The following CMPK2 variants were observed in gnomAD, a reference collection of about 807,000 sequenced individuals.
The protein encoded by CMPK2 is UMP-CMP kinase 2, mitochondrial.
Under a neutral mutation model 33.4 loss-of-function variants are expected in CMPK2, and 32 were observed. The observed-to-expected ratio is 0.96, with a 90% confidence interval of 0.72 to 1.29. CMPK2 has a LOEUF of 1.29. CMPK2 is among the 50% of genes most tolerant of loss of function. The pLI, the probability that CMPK2 is intolerant of heterozygous loss-of-function variation, is 0.00. For missense variants in CMPK2, 672 were observed against 616.0 expected (o/e 1.09, Z -0.96); for synonymous variants, 299 against 275.3 (o/e 1.09, Z -0.85).
intron 4 of CMPK2, chr2:6,850,663 T>G (rs1342036510): frequency 1.3e-6 from 1 of 785,502 alleles, no homozygotes; most frequent in Non-Finnish European, 1.5e-6. Flanking sequence ...CTTGCAAATG[T>G]TCACTGAAGT....
In CMPK2 at chr2:6,865,185, T is replaced by C. The variant is rs1273812877; in HGVS notation, c.512A>G (p.Gln171Arg). The change falls in exon 1 of 5, where the codon CAG becomes CGG. Residue 171 changes from glutamine to arginine, a missense_variant. Gln to Arg is a conservative substitution (Grantham distance 43). Transcript: ENST00000256722. ...LGEFEADPRG[Q>R]LWQRLWEVQD... ...CACCTCCCAGAGGCGCTGCCACAGC[T>C]GGCCGCGCGGGTCGGCCTCGAACTC... 2 of 1,534,296 alleles carry C rather than the reference T, an allele frequency of 1.3e-6. No homozygotes were observed. Among genetic ancestry groups the C allele is most frequent in the Non-Finnish European group, 1.7e-6 (2 of 1,143,494 alleles).
chr2:6,840,643 A>G (rs1352208974), exon 4 of CMPK2: 9 of 702,180 alleles, frequency 1.3e-5, no homozygotes, highest in Non-Finnish European at 2.3e-5. Flanking sequence ...GAGCAGGTGG[A>G]GAGAAGGATG....
chr2:6,854,804 C>T (rs1027123159), intron 3 of CMPK2, among the ~76,000 whole-genome samples: 18 of 152,116 alleles, frequency 1.2e-4, no homozygotes, highest in African/African-American at 3.6e-4. Flanking sequence ...CACACATCCA[C>T]TCACTGAATC....
chr2:6,840,752 T>C (rs1662209670), intron 3 of CMPK2: 4 of 686,934 alleles, frequency 5.8e-6, no homozygotes, highest in Non-Finnish European at 1.1e-5. Context: ...GTGGCCCTAG[T>C]TCTTGGGGTT....
downstream of CMPK2, among the ~76,000 whole-genome samples, chr2:6,845,772 C>T (rs1662345070): frequency 6.6e-6 from 1 of 152,180 alleles, no homozygotes; most frequent in Admixed American, 6.5e-5. Context: ...AATCAGAATT[C>T]CACAGAATGG....
intron 3 of CMPK2, among the ~76,000 whole-genome samples, chr2:6,858,984 T>C (rs987885986): frequency 1.3e-5 from 2 of 152,134 alleles, no homozygotes; most frequent in African/African-American, 4.8e-5. Context: ...ATGCTGATAA[T>C]GATATGGACA....
chr2:6,842,146 G>C (rs1448739878), intron 3 of CMPK2, among the ~76,000 whole-genome samples: 1 of 152,132 alleles, frequency 6.6e-6, no homozygotes, highest in Non-Finnish European at 1.5e-5. Context: ...AGACAGCCCA[G>C]TCTCAGTTTT....
chr2:6,865,733 G>T lies in CMPK2; in HGVS notation c.-37C>A. On this transcript the variant is annotated 5_prime_UTR_variant, in exon 1 of 5. Coordinates refer to ENST00000256722, the MANE Select transcript of CMPK2 (RefSeq NM_207315.4). ...CGACGCCGCCCTCGGCCCCGCCTCG[G>T]AAACGAAACCTGGCGGGAGCCAGGC... The T allele has an allele frequency of 7.8e-7, 1 of 1,278,408 alleles. No homozygotes were observed. Among genetic ancestry groups the T allele is most frequent in the Non-Finnish European group, 9.9e-7 (1 of 1,013,762 alleles). The allele number at this position is 1,278,408 out of a possible 1,614,324, so 79.2% of individuals were successfully genotyped here.
downstream of CMPK2, among the ~76,000 whole-genome samples, chr2:6,844,650 T>G (rs1419231520): frequency 1.3e-5 from 2 of 152,220 alleles, no homozygotes; most frequent in African/African-American, 4.8e-5. Context: ...GTAATAGAGA[T>G]TCTGCCACTT....
At chr2:6,858,762 G>A (rs1464925410) in intron 3 of CMPK2, among the ~76,000 whole-genome samples, 2 of 152,166 alleles carry the variant, frequency 1.3e-5, no homozygotes, top group Non-Finnish European at 2.9e-5. Flanking sequence ...GCCCAGTCTC[G>A]TGTACGTCTT....
At chr2:6,861,604 T>C (rs16865683) in intron 2 of CMPK2, among the ~76,000 whole-genome samples, 3,276 of 152,292 alleles carry the variant, frequency 0.022, 118 homozygotes, top group African/African-American at 0.075. Flanking sequence ...AAATCTGATA[T>C]TGGGAGTCTA....
intron 4 of CMPK2, chr2:6,850,792 T>C (rs2103218541): frequency 1.0e-6 from 1 of 985,720 alleles, no homozygotes; most frequent in East Asian, 1.1e-4. Context: ...TTAGAGAAAA[T>C]ATTTCTGCTT....
rs568540745 is a variant in CMPK2, at chr2:6,862,356, C to T, written c.791-971G>A. Among the ~76,000 whole-genome samples the T allele has an allele frequency of 3.9e-5, 6 of 152,330 alleles. No individual in the cohort carries two copies. In the East Asian group the frequency reaches 9.6e-4, roughly 24 times the overall value. On this transcript the variant is annotated intron_variant, in intron 2 of 4. Coordinates refer to ENST00000256722, the MANE Select transcript of CMPK2 (RefSeq NM_207315.4). ...GGAGAAGTTAATAAATTTACCCAAACTCACCCTCCTGATAGGCCTTGGTGC... is the reference window on the plus strand; with the variant it reads ...GGAGAAGTTAATAAATTTACCCAAATTCACCCTCCTGATAGGCCTTGGTGC...
At chr2:6,857,978 C>T (rs1662765459) in intron 3 of CMPK2, among the ~76,000 whole-genome samples, 1 of 152,102 alleles carries the variant, frequency 6.6e-6, no homozygotes, top group Non-Finnish European at 1.5e-5. Context: ...TCCAATGGCT[C>T]CCCAGTGCAC....
At chr2:6,850,226 C>A (rs1162121858) in intron 4 of CMPK2, among the ~76,000 whole-genome samples, 1 of 152,144 alleles carries the variant, frequency 6.6e-6, no homozygotes, top group African/African-American at 2.4e-5. Context: ...CATGATTTTT[C>A]TCATTTAATT....
intron 2 of CMPK2, 79 bp downstream of exon 2, chr2:6,863,385 G>GT: frequency 7.7e-7 from 1 of 1,292,546 alleles, no homozygotes; most frequent in Non-Finnish European, 1.1e-6. Flanking sequence ...ATAAAGTTTG[G>GT]TTTTGCAGGA....
chr2:6,857,400 G>A (rs1474970225), intron 3 of CMPK2, among the ~76,000 whole-genome samples: 8 of 146,494 alleles, frequency 5.5e-5, no homozygotes, highest in South Asian at 4.3e-4. Flanking sequence ...TTGCAGCCTC[G>A]ACCTCCTGGG....
Position 6,865,105 on chromosome 2 carries a change from G to T in CMPK2, c.592C>A (p.Pro198Thr), listed in dbSNP as rs575313172. ...GCAQVVPVPE[P>T]PLHPVVPDLP... ...TCTGGCACCACCGGGTGCAGCGGGGGCTCCGGGACGGGCACGACCTGTGCG... is the reference window on the plus strand; with the variant it reads ...TCTGGCACCACCGGGTGCAGCGGGGTCTCCGGGACGGGCACGACCTGTGCG... The change falls in exon 1 of 5, where the codon CCC becomes ACC. Residue 198 changes from proline (P) to threonine (T), a missense_variant. By Grantham distance (38) the Pro-to-Thr change is conservative (BLOSUM62 -1). Coordinates refer to ENST00000256722, the MANE Select transcript of CMPK2 (RefSeq NM_207315.4). 7.3e-6 allele frequency: 11 copies of T among 1,505,356 alleles called. No homozygotes were observed. The African/African-American group carries it at 1.3e-4, about 18-fold the overall frequency. 93.2% of individuals were successfully genotyped at this position (1,505,356 alleles called of 1,614,324 possible). A position where few individuals can be genotyped will look rare whatever the true frequency, so the allele number is the denominator to read the frequency against.
chr2:6,852,458 T>C (rs1165788832), intron 3 of CMPK2, among the ~76,000 whole-genome samples: 2 of 152,176 alleles, frequency 1.3e-5, no homozygotes, highest in Non-Finnish European at 2.9e-5. Context: ...CCTTTTCCTC[T>C]GGTGAGAGTG....
Sources: allele counts gnomAD v4.1 joint callset (sites outside exome capture counted in the v4.1 genomes callset), GRCh38; gene constraint gnomAD v4.1.1; transcripts MANE v1.5; gene names NCBI Gene and HGNC (gene_info 2026-07-23, HGNC 2026-07-21).